Variants in SLC25A24 observed in about 807,000 individuals in gnomAD.
SLC25A24 encodes the protein mitochondrial adenyl nucleotide antiporter SLC25A24.
In SLC25A24, 49 loss-of-function variants were observed where a neutral mutation model predicts 60.7. That is an observed-to-expected ratio of 0.81 (90% CI 0.64 to 1.02). The LOEUF is 1.02. SLC25A24 is among the 50% of genes least tolerant of loss of function. The pLI, the probability that SLC25A24 is intolerant of heterozygous loss-of-function variation, is 0.00. For synonymous variants in SLC25A24, 202 were observed against 200.6 expected, an observed-to-expected ratio of 1.01 and a Z score of -0.06; for missense variants, 564 against 586.3, an observed-to-expected ratio of 0.96 and a Z score of 0.39.
At chr1:108,184,737 G>A (rs1648059986) in intron 2 of SLC25A24, among the ~76,000 whole-genome samples, 2 of 152,126 alleles carry the variant, frequency 1.3e-5, no homozygotes, top group South Asian at 2.1e-4. Context: ...GAGACAAGTA[G>A]CTACAACTGA....
intron 1 of SLC25A24, chr1:108,192,593 C>T: frequency 2.0e-6 from 3 of 1,498,368 alleles, no homozygotes; most frequent in Non-Finnish European, 2.7e-6. Context: ...GTCCAGGTAC[C>T]AAAAGAGATC....
At chr1:108,175,230 G>A (rs1419562503) in intron 3 of SLC25A24, among the ~76,000 whole-genome samples, 1 of 152,166 alleles carries the variant, frequency 6.6e-6, no homozygotes, top group Non-Finnish European at 1.5e-5. Context: ...ATTGAATCAT[G>A]GAGGAGGCTA....
chr1:108,146,083 AT>A (rs1327298723), intron 7 of SLC25A24, among the ~76,000 whole-genome samples: 2 of 152,006 alleles, frequency 1.3e-5, no homozygotes, highest in East Asian at 3.9e-4. Flanking sequence ...GTCCTCTCTT[AT>A]TTCCTTGAGG....
intron 6 of SLC25A24, among the ~76,000 whole-genome samples, chr1:108,152,833 CA>C (rs1379753289): frequency 4.6e-5 from 7 of 152,166 alleles, no homozygotes; most frequent in Admixed American, 2.6e-4. Flanking sequence ...CGTCAGAATT[CA>C]ATGTGAAAGT....
chr1:108,164,577 C>T (rs1680189084), intron 3 of SLC25A24, among the ~76,000 whole-genome samples: 1 of 150,354 alleles, frequency 6.7e-6, no homozygotes, highest in South Asian at 2.1e-4. Context: ...AGTTTATTTG[C>T]ATAGAGGTGT....
chr1:108,148,750 G>A (rs1332976485), intron 6 of SLC25A24, among the ~76,000 whole-genome samples: 5 of 152,146 alleles, frequency 3.3e-5, no homozygotes, highest in Non-Finnish European at 5.9e-5. Context: ...ATAAATTTCC[G>A]TTGTTGATTC....
chr1:108,185,051 G>C (rs2101640538), intron 2 of SLC25A24, among the ~76,000 whole-genome samples: 1 of 152,274 alleles, frequency 6.6e-6, no homozygotes, highest in East Asian at 1.9e-4. Flanking sequence ...GATGGGACTA[G>C]TGGCTTTTTA....
chr1:108,195,734 C>A (rs980935363), intron 1 of SLC25A24, among the ~76,000 whole-genome samples: 2 of 152,130 alleles, frequency 1.3e-5, no homozygotes, highest in Non-Finnish European at 2.9e-5. Context: ...CATGGTAGCT[C>A]ATGCCTGTAA....
At chr1:108,154,914 C>A in intron 6 of SLC25A24, 69 bp downstream of exon 6, 1 of 1,200,018 alleles carries the variant, frequency 8.3e-7, no homozygotes, top group Non-Finnish European at 1.2e-6. Context: ...AAGCATTATA[C>A]ATTAACATTT....
chr1:108,174,830 C>T (rs777646364), intron 3 of SLC25A24, among the ~76,000 whole-genome samples: 2 of 152,184 alleles, frequency 1.3e-5, no homozygotes, highest in Non-Finnish European at 2.9e-5. Flanking sequence ...TTTGACTATT[C>T]CACTAGATTT....
In SLC25A24 at chr1:108,188,526, C is replaced by T. The variant is rs562531767; in HGVS notation, c.184-2572G>A. ...TCACAGCATTCTGTGGCGCCATTTACGTACTGAAGTTTCATCTAAGAGGTT... is the reference window on the plus strand; with the variant it reads ...TCACAGCATTCTGTGGCGCCATTTATGTACTGAAGTTTCATCTAAGAGGTT... On this transcript the variant is annotated intron_variant, in intron 1 of 9. Transcript: ENST00000565488. Among the ~76,000 whole-genome samples, 6 of 152,286 alleles carry T rather than the reference C, an allele frequency of 3.9e-5. No homozygotes were observed. In the South Asian group the frequency reaches 8.3e-4, roughly 21 times the overall value.
chr1:108,151,183 A>G (rs1679745611), intron 6 of SLC25A24, among the ~76,000 whole-genome samples: 1 of 152,188 alleles, frequency 6.6e-6, no homozygotes, highest in Non-Finnish European at 1.5e-5. Flanking sequence ...CCTGGGTGAT[A>G]AAGTGAGACT....
intron 6 of SLC25A24, among the ~76,000 whole-genome samples, chr1:108,151,778 T>C (rs1484619577): frequency 6.6e-6 from 1 of 152,248 alleles, no homozygotes; most frequent in Non-Finnish European, 1.5e-5. Context: ...TCCCTGTACA[T>C]GTCCCACACA....
chr1:108,198,538 AG>A (rs1320917340), intron 1 of SLC25A24: 1 of 152,242 alleles, frequency 6.6e-6, no homozygotes, highest in African/African-American at 2.4e-5. Flanking sequence ...ATAAAGTAAA[AG>A]GTGATTTAAA....
intron 2 of SLC25A24, among the ~76,000 whole-genome samples, chr1:108,185,003 A>G (rs1333321487): frequency 2.6e-5 from 4 of 152,162 alleles, no homozygotes; most frequent in African/African-American, 2.4e-5. Context: ...CCTATTTCCA[A>G]TTAGAATTAG....
At chr1:108,157,749 C>A (rs1679944018) in intron 4 of SLC25A24, 129 bp from the exon 5 acceptor site, 4 of 956,152 alleles carry the variant, frequency 4.2e-6, no homozygotes, top group East Asian at 4.9e-5. Flanking sequence ...TTATACTAAA[C>A]CAATTTGAGT....
chr1:108,144,395 C>T (rs1393024446), intron 7 of SLC25A24, among the ~76,000 whole-genome samples: 1 of 151,930 alleles, frequency 6.6e-6, no homozygotes, highest in Non-Finnish European at 1.5e-5. Context: ...TATTAGGTCT[C>T]GGTTGTATAT....
chr1:108,200,019 G>T lies in SLC25A24; in HGVS notation c.120C>A (p.Asp40Glu). The T allele has an allele frequency of 6.2e-7, 1 of 1,611,170 alleles. No homozygotes were observed. The highest frequency in any genetic ancestry group is 8.5e-7 in the Non-Finnish European group (1 of 1,179,120). The change falls in exon 1 of 10, where the codon GAC becomes GAA. Residue 40 changes from aspartate to glutamate, a missense_variant. Coordinates refer to ENST00000565488, the MANE Select transcript of SLC25A24 (RefSeq NM_013386.5). The part of the protein sequence containing the change: ...ALDRNGDGVV[D>E]IGELQEGLRN... Reference sequence around the variant, plus strand: ...TGAGCCCCTCCTGCAGCTCGCCGATGTCCACCACTCCGTCCCCATTGCGGT... The same window carrying T: ...TGAGCCCCTCCTGCAGCTCGCCGATTTCCACCACTCCGTCCCCATTGCGGT...
Position 108,143,687 on chromosome 1 carries a change from T to C in SLC25A24, c.954A>G (p.Val318=). The change falls in exon 8 of 10, where the codon GTA becomes GTG. Residue 318 remains valine (V), a synonymous_variant. Coordinates refer to ENST00000565488, the MANE Select transcript of SLC25A24 (RefSeq NM_013386.5). ...TTCCAGAGTACTGCCCAGTTTTGCCTACAGCCAGCCTGGTTTTCATAACCT... is the reference window on the plus strand; with the variant it reads ...TTCCAGAGTACTGCCCAGTTTTGCCCACAGCCAGCCTGGTTTTCATAACCT... The part of the protein sequence containing the change: ...PMEVMKTRLA[V]GKTGQYSGIY... 6.2e-7 allele frequency: 1 copy of C among 1,611,740 alleles called. No individual in the cohort carries two copies. Among genetic ancestry groups the C allele is most frequent in the South Asian group, 1.1e-5 (1 of 90,190 alleles).
Sources: gnomAD v4.1 joint callset for allele counts (sites outside exome capture counted in the v4.1 genomes callset) on GRCh38, gnomAD v4.1.1 for gene constraint, MANE v1.5 for transcripts, NCBI Gene and HGNC (gene_info 2026-07-23, HGNC 2026-07-21) for gene names.